TMOD1: variants seen among roughly 807,000 people sequenced by gnomAD.
TMOD1 encodes tropomodulin-1.
In TMOD1, 17 loss-of-function variants were observed where a neutral mutation model predicts 40.6. That is an observed-to-expected ratio of 0.42 (90% CI 0.29 to 0.63). The LOEUF (loss-of-function observed/expected upper bound fraction) is 0.63. Among genes scored for constraint, TMOD1 ranks in the 20% least tolerant of loss-of-function variants. The pLI, the probability that TMOD1 is intolerant of heterozygous loss-of-function variation, is 0.22. For missense variants in TMOD1, 391 were observed against 447.6 expected (o/e 0.87, Z 1.14); for synonymous variants, 181 against 175.0 (o/e 1.03, Z -0.27).
Position 97,502,797 on chromosome 9 carries a change from G to A in TMOD1, c.-49+994G>A, listed in dbSNP as rs79059202. On this transcript the variant is annotated intron_variant, in intron 1 of 9. Coordinates refer to ENST00000259365, the MANE Select transcript of TMOD1 (RefSeq NM_003275.4). The surrounding 1 kb of genome is among the most constrained non-coding windows in gnomAD (Gnocchi z 6.1). ...ATGGGCATCTCTCTGCTCCGTAGCC[G>A]GCAAAGCAGCCTGTGAGCCACGCAG... Among the ~76,000 whole-genome samples the A allele has an allele frequency of 0.017, 2,655 of 152,268 alleles. 89 individuals carry two copies. Among genetic ancestry groups the A allele is most frequent in the African/African-American group, 0.062 (2,555 of 41,528 alleles).
At chr9:97,536,159 T>A (rs1263433016) in intron 2 of TMOD1, among the ~76,000 whole-genome samples, 2 of 152,220 alleles carry the variant, frequency 1.3e-5, no homozygotes, top group Non-Finnish European at 2.9e-5. Context: ...GGCAGAACTC[T>A]GTATATTGGG....
chr9:97,589,421 G>A (rs373167273), intron 8 of TMOD1, among the ~76,000 whole-genome samples: 13 of 149,322 alleles, frequency 8.7e-5, no homozygotes, highest in South Asian at 6.3e-4. Flanking sequence ...ACAGGTGTGC[G>A]CCACCACGCC....
Position 97,601,017 on chromosome 9 carries a change from T to A in TMOD1, c.*1319T>A. ...GAGCACTGAGCAGAGAGGCTGGTGA[T>A]GAAAAGGTGAAGGCCTGCGCACTGA... On this transcript the variant is annotated 3_prime_UTR_variant, in exon 10 of 10. Coordinates refer to ENST00000259365, the MANE Select transcript of TMOD1 (RefSeq NM_003275.4). The A allele has an allele frequency of 7.7e-7, 1 of 1,291,384 alleles. No homozygotes were observed. Among genetic ancestry groups the A allele is most frequent in the East Asian group, 5.7e-5 (1 of 17,570 alleles). 80.0% of individuals were successfully genotyped at this position (1,291,384 alleles called of 1,614,324 possible).
intron 8 of TMOD1, among the ~76,000 whole-genome samples, chr9:97,574,465 G>A (rs1429133285): frequency 6.6e-6 from 1 of 152,328 alleles, no homozygotes; most frequent in South Asian, 2.1e-4. Flanking sequence ...CCCCCACGCC[G>A]TGGTCTCCTG....
chr9:97,539,787 A>G (rs1830246554), intron 2 of TMOD1, among the ~76,000 whole-genome samples: 1 of 152,074 alleles, frequency 6.6e-6, no homozygotes. Context: ...TAACATGGTG[A>G]AACCCCGTCT....
At chr9:97,577,844 AGATT>A (rs777197067) in intron 8 of TMOD1, among the ~76,000 whole-genome samples, 68 of 152,228 alleles carry the variant, frequency 4.5e-4, no homozygotes, top group Non-Finnish European at 8.2e-4. Flanking sequence ...AAAATTCCTT[AGATT>A]GATAGGAAAA....
intron 2 of TMOD1, among the ~76,000 whole-genome samples, chr9:97,529,377 A>G (rs1206772570): frequency 6.6e-6 from 1 of 152,084 alleles, no homozygotes; most frequent in Non-Finnish European, 1.5e-5. Flanking sequence ...TCTTTGAACC[A>G]TTCCTGGCTG....
In TMOD1 at chr9:97,600,588, T is replaced by A; in HGVS notation, c.*890T>A. 8.1e-6 allele frequency: 8 copies of A among 986,242 alleles called. No homozygotes were observed. The highest frequency in any genetic ancestry group is 9.6e-6 in the Non-Finnish European group (8 of 830,562). The allele number at this position is 986,242 out of a possible 1,614,324, so 61.1% of individuals were successfully genotyped here. On this transcript the variant is annotated 3_prime_UTR_variant, in exon 10 of 10. Transcript: ENST00000259365. The stretch of plus-strand genomic sequence containing the variant: ...GACACTAGAGGGATAAATTTCCAGA[T>A]CAACATGGCTATGGTATTTAGTAAT...
intron 1 of TMOD1, among the ~76,000 whole-genome samples, chr9:97,514,237 T>G (rs988383539): frequency 2.8e-5 from 2 of 71,938 alleles, no homozygotes; most frequent in Admixed American, 1.3e-4. Flanking sequence ...AATGTTTTTT[T>G]TTTGGGGGGG....
rs4344191 is a variant in TMOD1 at position 97,510,016 on chromosome 9, T to A, written c.-49+8213T>A. The stretch of plus-strand genomic sequence containing the variant: ...CTTTGTCTATTAAACAAATCAGCCT[T>A]TTGTTTAATATGAAGCAAATATATT... On this transcript the variant is annotated intron_variant, in intron 1 of 9. Transcript: ENST00000259365. Among the ~76,000 whole-genome samples the A allele has an allele frequency of 7.6e-3, 1,157 of 152,314 alleles. 17 individuals are homozygous for A. Among genetic ancestry groups the A allele is most frequent in the African/African-American group, 0.027 (1,117 of 41,560 alleles).
rs1409359863 is a variant in TMOD1, at chr9:97,571,293, A to G, written c.870+2256A>G. On this transcript the variant is annotated intron_variant, in intron 8 of 9. Transcript: ENST00000259365. The stretch of plus-strand genomic sequence containing the variant: ...AGGGAGTTGCCCCTTCCCTCCACAC[A>G]CTATCCCCCCAGAGTCCAAGATGGA... 2.0e-5 allele frequency among the ~76,000 whole-genome samples: 3 copies of G among 152,106 alleles called. No homozygotes were observed. The East Asian group carries it at 5.8e-4, about 29-fold the overall frequency.
At chr9:97,588,627 T>G (rs1825931171) in intron 8 of TMOD1, among the ~76,000 whole-genome samples, 1 of 152,164 alleles carries the variant, frequency 6.6e-6, no homozygotes, top group Non-Finnish European at 1.5e-5. Context: ...TGGCATTGAT[T>G]CTTTTAATCA....
intron 9 of TMOD1, among the ~76,000 whole-genome samples, chr9:97,595,081 T>C (rs1444838554): frequency 6.6e-6 from 1 of 152,102 alleles, no homozygotes; most frequent in Non-Finnish European, 1.5e-5. Flanking sequence ...CAAAGCAATT[T>C]CTAAAAAAAA....
rs1024661507 is a variant in TMOD1 at position 97,601,454 on chromosome 9, A to G, written c.*1756A>G. On this transcript the variant is annotated 3_prime_UTR_variant, in exon 10 of 10. Coordinates refer to ENST00000259365, the MANE Select transcript of TMOD1 (RefSeq NM_003275.4). ...TCCCAGAGAGAACATTTAAAAGCTC[A>G]GAGAGTAAGTGCTGGGGAAAGCAGA... The G allele has an allele frequency of 5.9e-5, 60 of 1,017,148 alleles. No homozygotes were observed. Among genetic ancestry groups the G allele is most frequent in the Non-Finnish European group, 6.1e-5 (52 of 848,556 alleles). 63.0% of individuals were successfully genotyped at this position (1,017,148 alleles called of 1,614,324 possible).
chr9:97,525,968 G>A (rs963679020), intron 2 of TMOD1, among the ~76,000 whole-genome samples: 2 of 152,170 alleles, frequency 1.3e-5, no homozygotes, highest in African/African-American at 4.8e-5. Context: ...ATGGTGAGTG[G>A]TGCCACTCCT....
intron 8 of TMOD1, among the ~76,000 whole-genome samples, chr9:97,578,023 C>T (rs1195319083): frequency 6.6e-6 from 1 of 152,100 alleles, no homozygotes; most frequent in Admixed American, 6.5e-5. Flanking sequence ...TCAGGGTCCC[C>T]GGAGTCAGAG....
chr9:97,568,833 G>A (rs1210485434), intron 7 of TMOD1, 61 bp from the exon 8 acceptor site: 2 of 1,599,640 alleles, frequency 1.3e-6, no homozygotes, highest in African/African-American at 1.3e-5. Flanking sequence ...TCTACCCAGA[G>A]GGGCCTCCAG....
At chr9:97,576,850 A>G (rs559653649) in intron 8 of TMOD1, among the ~76,000 whole-genome samples, 1 of 152,010 alleles carries the variant, frequency 6.6e-6, no homozygotes, top group Non-Finnish European at 1.5e-5. Context: ...CATGTTAGCC[A>G]GGATGGTCTC....
At chr9:97,539,120 C>T (rs1418219486) in intron 2 of TMOD1, among the ~76,000 whole-genome samples, 1 of 152,204 alleles carries the variant, frequency 6.6e-6, no homozygotes, top group African/African-American at 2.4e-5. Flanking sequence ...CCTGGTTACT[C>T]CAATTTTTTT....
Sources: allele counts gnomAD v4.1 joint callset (sites outside exome capture counted in the v4.1 genomes callset), GRCh38; gene constraint gnomAD v4.1.1; non-coding constraint Gnocchi (gnomAD v3.1); transcripts MANE v1.5; gene names NCBI Gene and HGNC (gene_info 2026-07-23, HGNC 2026-07-21).